CNTN5: variants seen among roughly 807,000 people sequenced by gnomAD.
The protein encoded by CNTN5 is contactin-5.
Under a neutral mutation model 129.1 loss-of-function variants are expected in CNTN5, and 77 were observed. The ratio of observed to expected loss-of-function variants is 0.60; its 90% CI spans 0.50 to 0.72. The LOEUF (loss-of-function observed/expected upper bound fraction) is 0.72. CNTN5 is among the 30% of genes least tolerant of loss of function. CNTN5 has a pLI of 0.00. For synonymous variants in CNTN5, 509 were observed against 465.6 expected, an observed-to-expected ratio of 1.09 and a Z score of -1.20; for missense variants, 1,478 against 1,328.8, an observed-to-expected ratio of 1.11 and a Z score of -1.75.
intron 2 of CNTN5, among the ~76,000 whole-genome samples, chr11:99,410,100 A>G (rs1413581378): frequency 6.6e-6 from 1 of 152,232 alleles, no homozygotes; most frequent in Non-Finnish European, 1.5e-5. Flanking sequence ...ACATATTTAT[A>G]AGATGATTAT....
At chr11:99,098,178 C>A (rs1866562622) in intron 1 of CNTN5, among the ~76,000 whole-genome samples, 1 of 152,028 alleles carries the variant, frequency 6.6e-6, no homozygotes, top group Admixed American at 6.6e-5. Context: ...CTTCAATAAT[C>A]TCAAAGAGTT....
At chr11:100,076,425 T>C (rs1401639808) in intron 13 of CNTN5, among the ~76,000 whole-genome samples, 2 of 152,150 alleles carry the variant, frequency 1.3e-5, no homozygotes, top group African/African-American at 4.8e-5. Context: ...GCAAAAGTAT[T>C]GAGAGAAGTA....
At chr11:99,789,786 TG>T (rs372404267) in intron 3 of CNTN5, among the ~76,000 whole-genome samples, 6 of 152,168 alleles carry the variant, frequency 3.9e-5, no homozygotes, top group Non-Finnish European at 7.4e-5. Context: ...ATTTCATTTT[TG>T]TTTAGATTCA....
chr11:99,084,701 A>G (rs1865931452), intron 1 of CNTN5, among the ~76,000 whole-genome samples: 1 of 152,122 alleles, frequency 6.6e-6, no homozygotes, highest in South Asian at 2.1e-4. Context: ...AGCTGGTAAT[A>G]TTGTGCTAAT....
At chr11:99,686,497 A>C (rs1375106926) in intron 3 of CNTN5, among the ~76,000 whole-genome samples, 1 of 152,110 alleles carries the variant, frequency 6.6e-6, no homozygotes, top group East Asian at 1.9e-4. Flanking sequence ...TTTTTAAAAC[A>C]ACCATATAAC....
intron 9 of CNTN5, among the ~76,000 whole-genome samples, chr11:100,025,398 A>AC (rs1267094910): frequency 5.3e-5 from 8 of 152,164 alleles, no homozygotes; most frequent in African/African-American, 1.4e-4. Flanking sequence ...TTCATGGAGA[A>AC]CCTATGCTGG....
At chr11:100,224,022 C>T (rs1473285411) in intron 15 of CNTN5, among the ~76,000 whole-genome samples, 2 of 152,128 alleles carry the variant, frequency 1.3e-5, no homozygotes, top group Admixed American at 6.5e-5. Context: ...AGTTTTTCTT[C>T]AACTGTGTTC....
chr11:99,039,877 AG>A lies in CNTN5; in HGVS notation c.-210+18609del, dbSNP rs1319113495. 3.3e-5 allele frequency among the ~76,000 whole-genome samples: 5 copies of A among 152,270 alleles called. No individual in the cohort carries two copies. The South Asian group carries it at 8.3e-4, about 25-fold the overall frequency. On this transcript the variant is annotated intron_variant, in intron 1 of 24. Coordinates refer to ENST00000524871, the MANE Select transcript of CNTN5 (RefSeq NM_014361.4). Reference sequence around the variant, plus strand: ...ATAAACTTCTAAGAAAAAATGTCAGAGGTTTTTACACTTTAAAATGTGTAGG... The same window carrying A: ...ATAAACTTCTAAGAAAAAATGTCAGAGTTTTTACACTTTAAAATGTGTAGG...
chr11:99,941,399 T>C (rs1950431807), intron 7 of CNTN5, among the ~76,000 whole-genome samples: 1 of 152,124 alleles, frequency 6.6e-6, no homozygotes, highest in African/African-American at 2.4e-5. Context: ...CTGTCTGCAT[T>C]TATTTTATTT....
intron 2 of CNTN5, among the ~76,000 whole-genome samples, chr11:99,360,420 T>C (rs190690552): frequency 1.9e-3 from 296 of 152,298 alleles, no homozygotes; most frequent in African/African-American, 6.8e-3. Flanking sequence ...TCTGTTCGGC[T>C]CCATGGCTCT....
At chr11:99,413,303 C>T (rs1037237853) in intron 2 of CNTN5, among the ~76,000 whole-genome samples, 1 of 152,142 alleles carries the variant, frequency 6.6e-6, no homozygotes, top group African/African-American at 2.4e-5. Context: ...GGGCAACTAA[C>T]AGTGTGACAA....
intron 13 of CNTN5, among the ~76,000 whole-genome samples, chr11:100,189,770 C>T (rs1267015302): frequency 6.6e-6 from 1 of 152,056 alleles, no homozygotes; most frequent in Non-Finnish European, 1.5e-5. Context: ...CTCTTAAGGG[C>T]ATTGTGTTTT....
chr11:99,294,905 G>C (rs1021896491), intron 1 of CNTN5, among the ~76,000 whole-genome samples: 11 of 152,118 alleles, frequency 7.2e-5, no homozygotes, highest in Admixed American at 4.6e-4. Context: ...CACTGAGTTG[G>C]CCAGGTTTTC....
At chr11:99,176,654 G>A (rs1372851566) in intron 1 of CNTN5, among the ~76,000 whole-genome samples, 2 of 152,072 alleles carry the variant, frequency 1.3e-5, no homozygotes, top group Non-Finnish European at 2.9e-5. Flanking sequence ...TCAGCAAATT[G>A]TTATGATTCT....
chr11:99,489,221 T>C (rs1353850535), intron 2 of CNTN5, among the ~76,000 whole-genome samples: 1 of 152,154 alleles, frequency 6.6e-6, no homozygotes, highest in East Asian at 1.9e-4. Context: ...ACTTGCTAAA[T>C]TACAGGTAAC....
At chr11:100,244,054 C>T (rs12225379) in intron 16 of CNTN5, among the ~76,000 whole-genome samples, 27,540 of 151,892 alleles carry the variant, frequency 0.18, 3,558 homozygotes, top group East Asian at 0.61. Flanking sequence ...TCTCAGTCCA[C>T]CTCCAGTTCA....
At chr11:99,512,369 C>T (rs946268340) in intron 2 of CNTN5, among the ~76,000 whole-genome samples, 1 of 152,132 alleles carries the variant, frequency 6.6e-6, no homozygotes, top group Non-Finnish European at 1.5e-5. Context: ...TAATCTATAC[C>T]ACCCAGGTTC....
At chr11:99,342,504 G>T (rs536938150) in intron 2 of CNTN5, among the ~76,000 whole-genome samples, 1 of 146,586 alleles carries the variant, frequency 6.8e-6, no homozygotes, top group Non-Finnish European at 1.5e-5. Flanking sequence ...GGAGGCCGAG[G>T]TTGGTGGATC....
At chr11:99,365,907 A>T (rs115110405) in intron 2 of CNTN5, among the ~76,000 whole-genome samples, 2,088 of 152,214 alleles carry the variant, frequency 0.014, 61 homozygotes, top group African/African-American at 0.047. Context: ...TTTCTCCTTT[A>T]CTTTTCTGGT....
Sources: allele counts gnomAD v4.1 joint callset (sites outside exome capture counted in the v4.1 genomes callset), GRCh38; gene constraint gnomAD v4.1.1; transcripts MANE v1.5; gene names NCBI Gene and HGNC (gene_info 2026-07-23, HGNC 2026-07-21).